SPAG16: variants seen among roughly 807,000 people sequenced by gnomAD.
The protein encoded by SPAG16 is sperm-associated antigen 16 protein.
In SPAG16, 86 loss-of-function variants were observed where a neutral mutation model predicts 80.4. The ratio of observed to expected loss-of-function variants is 1.07; its 90% CI spans 0.90 to 1.28. The LOEUF (loss-of-function observed/expected upper bound fraction) is 1.28, where lower values mean the gene tolerates loss of function less well. Among genes scored for constraint, SPAG16 ranks in the 50% most tolerant of loss-of-function variants. The probability of loss-of-function intolerance (pLI) is 0.00; values close to 1 mark genes in which losing one functional copy is unlikely to be tolerated. For synonymous variants in SPAG16, 294 were observed against 265.9 expected, an observed-to-expected ratio of 1.11 and a Z score of -1.03; for missense variants, 870 against 765.3, an observed-to-expected ratio of 1.14 and a Z score of -1.61.
At chr2:213,539,166 A>C (rs2076345825) in intron 10 of SPAG16, among the ~76,000 whole-genome samples, 1 of 152,172 alleles carries the variant, frequency 6.6e-6, no homozygotes, top group Admixed American at 6.6e-5. Context: ...ATGCTCTTAA[A>C]TATTATAAAT....
intron 9 of SPAG16, among the ~76,000 whole-genome samples, chr2:213,388,175 A>C (rs548833490): frequency 2.0e-5 from 3 of 152,208 alleles, no homozygotes; most frequent in Admixed American, 6.5e-5. Flanking sequence ...AGTACCTTGC[A>C]GGAGCCTGGG....
In SPAG16 at chr2:213,447,662, C is replaced by T. The variant is rs375537688; in HGVS notation, c.943-42301C>T. On this transcript the variant is annotated intron_variant, in intron 9 of 15. Transcript: ENST00000331683. ...CAGTATCAATGTAGATTCAAACATT[C>T]TGCTTTGTTTACCTCCAGCCTGACT... 3.6e-4 allele frequency among the ~76,000 whole-genome samples: 55 copies of T among 152,340 alleles called. No homozygotes were observed. In the East Asian group the frequency reaches 0.01, roughly 28 times the overall value.
At chr2:213,449,304 G>C (rs987280324) in intron 9 of SPAG16, among the ~76,000 whole-genome samples, 3 of 152,136 alleles carry the variant, frequency 2.0e-5, no homozygotes, top group Non-Finnish European at 4.4e-5. Flanking sequence ...ACTGAATATA[G>C]ACCCTTATCA....
intron 11 of SPAG16, among the ~76,000 whole-genome samples, chr2:213,870,790 C>G (rs546671177): frequency 5.9e-5 from 9 of 152,040 alleles, no homozygotes; most frequent in Non-Finnish European, 1.2e-4. Flanking sequence ...GCCTCTAAGT[C>G]TATTGGCCTG....
intron 15 of SPAG16, among the ~76,000 whole-genome samples, chr2:214,286,223 G>A (rs1693346968): frequency 6.6e-6 from 1 of 152,096 alleles, no homozygotes; most frequent in African/African-American, 2.4e-5. Flanking sequence ...TTTCAGTTAC[G>A]CAAGATGAAT....
intron 13 of SPAG16, among the ~76,000 whole-genome samples, chr2:214,035,424 G>T (rs1483090487): frequency 6.6e-6 from 1 of 152,180 alleles, no homozygotes; most frequent in Non-Finnish European, 1.5e-5. Flanking sequence ...GAAACCTGTA[G>T]GCCAATGCCA....
intron 12 of SPAG16, among the ~76,000 whole-genome samples, chr2:214,006,554 A>G (rs2047034013): frequency 6.6e-6 from 1 of 152,224 alleles, no homozygotes; most frequent in Non-Finnish European, 1.5e-5. Context: ...AGAAAGAGCT[A>G]TTGCTTGTGA....
chr2:213,915,275 C>T (rs2077900170), intron 11 of SPAG16, among the ~76,000 whole-genome samples: 1 of 152,088 alleles, frequency 6.6e-6, no homozygotes. Context: ...GCTATCCCTC[C>T]CCTAGTCCCC....
intron 11 of SPAG16, among the ~76,000 whole-genome samples, chr2:213,916,730 A>G (rs982024528): frequency 1.3e-5 from 2 of 152,134 alleles, no homozygotes; most frequent in East Asian, 3.9e-4. Context: ...CAGCCAAACC[A>G]TATCATATAG....
intron 10 of SPAG16, among the ~76,000 whole-genome samples, chr2:213,804,175 A>G (rs573921526): frequency 4.6e-5 from 7 of 152,232 alleles, no homozygotes; most frequent in Non-Finnish European, 8.8e-5. Context: ...TGGCCCTCAT[A>G]CAATTTAAAA....
chr2:213,331,854 AC>A (rs2064122375), intron 5 of SPAG16, among the ~76,000 whole-genome samples: 1 of 152,224 alleles, frequency 6.6e-6, no homozygotes, highest in African/African-American at 2.4e-5. Flanking sequence ...AACACAACAT[AC>A]CATAATCTAT....
At chr2:213,350,718 A>G in intron 7 of SPAG16, 73 bp downstream of exon 7, 3 of 817,388 alleles carry the variant, frequency 3.7e-6, no homozygotes, top group Non-Finnish European at 5.6e-6. Context: ...AGAAATACTG[A>G]TTTTGTTTCT....
intron 15 of SPAG16, among the ~76,000 whole-genome samples, chr2:214,171,566 A>C (rs1363155403): frequency 6.6e-6 from 1 of 151,930 alleles, no homozygotes; most frequent in Non-Finnish European, 1.5e-5. Context: ...ATTCTCATTA[A>C]ACTCTTTTAA....
chr2:214,370,874 A>G (rs1272654090), intron 15 of SPAG16, among the ~76,000 whole-genome samples: 1 of 152,174 alleles, frequency 6.6e-6, no homozygotes, highest in African/African-American at 2.4e-5. Context: ...ATAATAACAC[A>G]ATTCTGTTGA....
intron 11 of SPAG16, among the ~76,000 whole-genome samples, chr2:213,875,493 A>T (rs937280516): frequency 6.6e-5 from 10 of 152,130 alleles, no homozygotes; most frequent in African/African-American, 2.4e-4. Context: ...TCAACTAGAA[A>T]GTTTTTTACT....
chr2:214,134,713 A>G (rs2125510689), intron 14 of SPAG16, among the ~76,000 whole-genome samples: 1 of 152,304 alleles, frequency 6.6e-6, no homozygotes, highest in Non-Finnish European at 1.5e-5. Flanking sequence ...GTCTTGCACT[A>G]GATAATACCT....
At chr2:213,847,210 T>C (rs939251246) in intron 10 of SPAG16, among the ~76,000 whole-genome samples, 3 of 152,198 alleles carry the variant, frequency 2.0e-5, no homozygotes, top group African/African-American at 7.2e-5. Context: ...ATAATTTTCC[T>C]ATTTTAAGCA....
chr2:213,721,729 A>G (rs180739595), intron 10 of SPAG16, among the ~76,000 whole-genome samples: 36 of 152,352 alleles, frequency 2.4e-4, no homozygotes, highest in African/African-American at 8.4e-4. Flanking sequence ...CTAGTATGCC[A>G]ATCATTTAGT....
chr2:213,416,396 C>A (rs1244053694), intron 9 of SPAG16, among the ~76,000 whole-genome samples: 2 of 152,032 alleles, frequency 1.3e-5, no homozygotes, highest in Non-Finnish European at 2.9e-5. Context: ...CTTTTAGGAG[C>A]CAAAACTAGG....
Sources: allele counts gnomAD v4.1 joint callset (sites outside exome capture counted in the v4.1 genomes callset), GRCh38; gene constraint gnomAD v4.1.1; transcripts MANE v1.5; gene names NCBI Gene and HGNC (gene_info 2026-07-23, HGNC 2026-07-21).